KIAA1549L: variants seen among roughly 807,000 people sequenced by gnomAD.
The protein encoded by KIAA1549L is KIAA1549 like.
In KIAA1549L, 88 loss-of-function variants were observed where a neutral mutation model predicts 160.7. The ratio of observed to expected loss-of-function variants is 0.55; its 90% CI spans 0.46 to 0.65. The LOEUF is 0.65. Among genes scored for constraint, KIAA1549L ranks in the 30% least tolerant of loss-of-function variants. The pLI is 0.00. For missense variants in KIAA1549L, 2,258 were observed against 2,437.5 expected, an observed-to-expected ratio of 0.93 and a Z score of 1.55; for synonymous variants, 950 against 976.7, an observed-to-expected ratio of 0.97 and a Z score of 0.51.
intron 1 of KIAA1549L, among the ~76,000 whole-genome samples, chr11:33,386,344 A>G (rs1352753970): frequency 6.6e-6 from 1 of 152,244 alleles, no homozygotes; most frequent in Non-Finnish European, 1.5e-5. Context: ...AGATGATCAC[A>G]GGGTTTATCT....
In KIAA1549L at chr11:33,406,425, G is replaced by T. The variant is rs1464240431; in HGVS notation, c.238+29536G>T. On this transcript the variant is annotated intron_variant, in intron 1 of 20. Coordinates refer to ENST00000658780, the MANE Select transcript of KIAA1549L (RefSeq NM_012194.3). ...AGTGTGCATGTGCAGGGGAGGGGCC[G>T]CTGCCTTGACCCCGGGCTTTCCATT... Among the ~76,000 whole-genome samples, 3 of 152,186 alleles carry T rather than the reference G, an allele frequency of 2.0e-5. No homozygotes were observed. The East Asian group carries it at 5.8e-4, about 29-fold the overall frequency.
chr11:33,414,103 CCTG>C (rs1450040628), intron 1 of KIAA1549L, among the ~76,000 whole-genome samples: 1 of 152,166 alleles, frequency 6.6e-6, no homozygotes, highest in Non-Finnish European at 1.5e-5. Flanking sequence ...ATTCAGTAAA[CCTG>C]CTGCCTAGTA....
At chr11:33,527,427 T>A (rs1362048863) in intron 1 of KIAA1549L, among the ~76,000 whole-genome samples, 2 of 152,180 alleles carry the variant, frequency 1.3e-5, no homozygotes, top group African/African-American at 4.8e-5. Flanking sequence ...ATATCTCACC[T>A]ATACAAAAAT....
At chr11:33,565,679 C>T (rs1052212358) in intron 8 of KIAA1549L, among the ~76,000 whole-genome samples, 3 of 151,222 alleles carry the variant, frequency 2.0e-5, no homozygotes, top group African/African-American at 4.9e-5. Flanking sequence ...GAGAGATTCC[C>T]ACAGCCTCTG....
Position 33,670,529 on chromosome 11 carries a change from T to A in KIAA1549L, c.*2375T>A, listed in dbSNP as rs145376653. ...GACACCATGGGTTCAAGAATAGTAT[T>A]AATAGATGAGAGGAAAACCTTAAGT... On this transcript the variant is annotated 3_prime_UTR_variant, in exon 21 of 21. Transcript: ENST00000658780. 1.3e-5 allele frequency: 2 copies of A among 152,302 alleles called. No homozygotes were observed. Among genetic ancestry groups the A allele is most frequent in the Non-Finnish European group, 2.9e-5 (2 of 68,034 alleles). The allele number at this position is 152,302 out of a possible 1,614,324, so 9.4% of individuals were successfully genotyped here.
chr11:33,382,079 A>G (rs1850084110), intron 1 of KIAA1549L, among the ~76,000 whole-genome samples: 1 of 152,186 alleles, frequency 6.6e-6, no homozygotes, highest in Non-Finnish European at 1.5e-5. Flanking sequence ...TAAGGCATAC[A>G]TTTTGGAGCC....
intron 1 of KIAA1549L, among the ~76,000 whole-genome samples, chr11:33,477,660 G>A (rs1852319458): frequency 6.6e-6 from 1 of 152,084 alleles, no homozygotes; most frequent in Admixed American, 6.5e-5. Context: ...GCTCATATTG[G>A]GTGATCTCTT....
chr11:33,407,869 C>T (rs565414811), intron 1 of KIAA1549L, among the ~76,000 whole-genome samples: 5 of 152,294 alleles, frequency 3.3e-5, no homozygotes, highest in East Asian at 1.9e-4. Context: ...TTCTCTCTTC[C>T]CTTTCATCCT....
At chr11:33,397,079 T>A (rs1030125925) in intron 1 of KIAA1549L, among the ~76,000 whole-genome samples, 3 of 151,546 alleles carry the variant, frequency 2.0e-5, no homozygotes, top group African/African-American at 7.3e-5. Flanking sequence ...ACGCCTGCAA[T>A]CCCAGCATTT....
At chr11:33,445,220 C>T (rs934586508) in intron 1 of KIAA1549L, among the ~76,000 whole-genome samples, 1 of 152,122 alleles carries the variant, frequency 6.6e-6, no homozygotes, top group African/African-American at 2.4e-5. Context: ...CCTAATTTAT[C>T]CCAAACCTCT....
At chr11:33,379,540 A>G (rs778838850) in intron 1 of KIAA1549L, among the ~76,000 whole-genome samples, 1 of 152,092 alleles carries the variant, frequency 6.6e-6, no homozygotes, top group Non-Finnish European at 1.5e-5. Flanking sequence ...TCCAGGCAAA[A>G]TGGTAGAGCT....
chr11:33,504,089 C>T (rs553083627), intron 1 of KIAA1549L, among the ~76,000 whole-genome samples: 10 of 152,250 alleles, frequency 6.6e-5, no homozygotes, highest in African/African-American at 2.4e-4. Flanking sequence ...GTGAAACCCC[C>T]ATCTCTACTA....
At chr11:33,539,675 A>G (rs1449441492) in intron 1 of KIAA1549L, among the ~76,000 whole-genome samples, 9 of 152,088 alleles carry the variant, frequency 5.9e-5, no homozygotes, top group Admixed American at 5.2e-4. Context: ...TTGTTTTGCT[A>G]TGGAGAAAGA....
chr11:33,406,492 C>T (rs1299835624), intron 1 of KIAA1549L, among the ~76,000 whole-genome samples: 1 of 152,254 alleles, frequency 6.6e-6, no homozygotes, highest in Non-Finnish European at 1.5e-5. Context: ...CGAATCCTAT[C>T]ATCTCCTCTC....
intron 1 of KIAA1549L, among the ~76,000 whole-genome samples, chr11:33,536,737 T>A (rs1223607213): frequency 2.6e-5 from 4 of 152,176 alleles, no homozygotes. Flanking sequence ...AATAATAGAA[T>A]CTGGAACTCT....
At chr11:33,515,109 C>T (rs903178780) in intron 1 of KIAA1549L, among the ~76,000 whole-genome samples, 31 of 152,236 alleles carry the variant, frequency 2.0e-4, no homozygotes, top group African/African-American at 7.5e-4. Context: ...ACCAGGGGGT[C>T]GTATTTATTT....
Position 33,583,450 on chromosome 11 carries a change from C to G in KIAA1549L, c.4515C>G (p.Asn1505Lys). The change falls in exon 11 of 21, where the codon AAC (asparagine) becomes AAG (lysine). Residue 1505 changes from asparagine (N) to lysine (K), a missense_variant. Transcript: ENST00000658780. ...TCACTGCCGTGCTCTGCAGGAAGAA[C>G]AAGAACGACTTCAAGCCTGACACCA... The part of the protein sequence containing the change: ...IIITAVLCRK[N>K]KNDFKPDTMI... The G allele has an allele frequency of 6.3e-7, 1 of 1,588,510 alleles. No homozygotes were observed. Among genetic ancestry groups the G allele is most frequent in the East Asian group, 2.3e-5 (1 of 43,520 alleles).
chr11:33,422,275 CAT>C (rs1412511924), intron 1 of KIAA1549L, among the ~76,000 whole-genome samples: 2 of 152,182 alleles, frequency 1.3e-5, no homozygotes, highest in African/African-American at 4.8e-5. Context: ...CCAAGGCACA[CAT>C]GTGATAAAAC....
chr11:33,459,093 G>T (rs958424259), intron 1 of KIAA1549L, among the ~76,000 whole-genome samples: 2 of 152,190 alleles, frequency 1.3e-5, no homozygotes, highest in Non-Finnish European at 2.9e-5. Context: ...TTTGTTGATG[G>T]ATTGTATTTA....
Sources: gnomAD v4.1 joint callset for allele counts (sites outside exome capture counted in the v4.1 genomes callset) on GRCh38, gnomAD v4.1.1 for gene constraint, MANE v1.5 for transcripts, NCBI Gene and HGNC (gene_info 2026-07-23, HGNC 2026-07-21) for gene names.